The following ADAMTSL1 variants were observed in gnomAD, a reference collection of about 807,000 sequenced individuals.
ADAMTSL1 encodes the protein ADAMTS-like protein 1.
Under a neutral mutation model 201.8 loss-of-function variants are expected in ADAMTSL1, and 126 were observed. That is an observed-to-expected ratio of 0.62 (90% CI 0.54 to 0.72). The LOEUF (loss-of-function observed/expected upper bound fraction) is 0.72. Ranked by LOEUF, ADAMTSL1 falls within the 30% of genes least tolerant of loss-of-function variation. The pLI, the probability that ADAMTSL1 is intolerant of heterozygous loss-of-function variation, is 0.00. For missense variants in ADAMTSL1, 2,679 were observed against 2,277.8 expected (o/e 1.18, Z -3.59); for synonymous variants, 1,121 against 903.4 (o/e 1.24, Z -4.32).
chr9:18,423,936 C>T (rs545691983), intron 2 of ADAMTSL1, among the ~76,000 whole-genome samples: 2 of 152,220 alleles, frequency 1.3e-5, no homozygotes, highest in South Asian at 2.1e-4. Context: ...GGCACTTATC[C>T]TCAAAGTCTT....
chr9:18,812,967 CTTT>C (rs35159482), intron 20 of ADAMTSL1, among the ~76,000 whole-genome samples: 8 of 118,628 alleles, frequency 6.7e-5, no homozygotes, highest in African/African-American at 1.0e-4. Context: ...CAGCTATGTA[CTTT>C]TTTTTTTTTT....
chr9:18,337,218 C>T (rs536349487), intron 2 of ADAMTSL1, among the ~76,000 whole-genome samples: 16 of 152,108 alleles, frequency 1.1e-4, no homozygotes, highest in Non-Finnish European at 1.6e-4. Context: ...AGTCTTCCAG[C>T]CTTCATCCTT....
intron 2 of ADAMTSL1, among the ~76,000 whole-genome samples, chr9:18,421,841 C>G (rs1367875560): frequency 6.6e-6 from 1 of 151,978 alleles, no homozygotes. Context: ...AAATGCAATA[C>G]CATATTTACC....
intron 1 of ADAMTSL1, among the ~76,000 whole-genome samples, chr9:18,075,886 T>C (rs1823199690): frequency 1.3e-5 from 2 of 152,200 alleles, no homozygotes; most frequent in Non-Finnish European, 2.9e-5. Context: ...GATCAAGCTG[T>C]TAATTAAATA....
At chr9:18,495,386 G>A (rs10963617) in intron 1 of ADAMTSL1, among the ~76,000 whole-genome samples, 4 of 152,092 alleles carry the variant, frequency 2.6e-5, no homozygotes, top group African/African-American at 9.7e-5. Context: ...ATCAAATAAG[G>A]AACTGTTGAA....
intron 1 of ADAMTSL1, among the ~76,000 whole-genome samples, chr9:18,004,451 T>A (rs1819735412): frequency 6.6e-6 from 1 of 151,864 alleles, no homozygotes; most frequent in Non-Finnish European, 1.5e-5. Flanking sequence ...ACAAAGCAAG[T>A]GAAGGCACAG....
intron 1 of ADAMTSL1, among the ~76,000 whole-genome samples, chr9:18,496,774 T>C (rs1348612182): frequency 2.6e-5 from 4 of 152,232 alleles, no homozygotes; most frequent in African/African-American, 7.2e-5. Flanking sequence ...CCTCAGATGT[T>C]TCCTTAGTTC....
chr9:18,860,857 G>A (rs902555980), intron 23 of ADAMTSL1, among the ~76,000 whole-genome samples: 1 of 152,182 alleles, frequency 6.6e-6, no homozygotes, highest in African/African-American at 2.4e-5. Context: ...TAATGTTACT[G>A]GATAACAGGC....
At chr9:18,471,608 T>A (rs979649520), upstream of ADAMTSL1, among the ~76,000 whole-genome samples, 2 of 152,214 alleles carry the variant, frequency 1.3e-5, no homozygotes, top group African/African-American at 4.8e-5. Flanking sequence ...TTATAGTAAA[T>A]TTGTAATTTC....
At chr9:18,879,700 G>C (rs985017801) in intron 23 of ADAMTSL1, among the ~76,000 whole-genome samples, 1 of 152,140 alleles carries the variant, frequency 6.6e-6, no homozygotes, top group Non-Finnish European at 1.5e-5. Context: ...TAATCTTTTT[G>C]CTGGTGGAGG....
chr9:18,331,421 C>T (rs937359258), intron 2 of ADAMTSL1, among the ~76,000 whole-genome samples: 1 of 152,180 alleles, frequency 6.6e-6, no homozygotes. Flanking sequence ...TCAAATTGTG[C>T]CTCCCTCCTG....
chr9:18,213,862 C>T (rs1829969614), intron 2 of ADAMTSL1, among the ~76,000 whole-genome samples: 2 of 152,124 alleles, frequency 1.3e-5, no homozygotes, highest in Non-Finnish European at 2.9e-5. Context: ...GCCTCAGCCT[C>T]CCGAGTAGCT....
chr9:18,196,784 C>T (rs1829200145), intron 2 of ADAMTSL1, among the ~76,000 whole-genome samples: 1 of 152,110 alleles, frequency 6.6e-6, no homozygotes, highest in Admixed American at 6.6e-5. Flanking sequence ...TCACACCAAA[C>T]TCCTTTGCAC....
intron 3 of ADAMTSL1, among the ~76,000 whole-genome samples, chr9:18,536,665 T>C (rs1819795042): frequency 6.6e-6 from 1 of 152,192 alleles, no homozygotes; most frequent in Admixed American, 6.5e-5. Context: ...TACAGTTCCC[T>C]GCTCTATTCT....
intron 2 of ADAMTSL1, among the ~76,000 whole-genome samples, chr9:18,431,547 A>C (rs1819490458): frequency 3.3e-5 from 5 of 152,194 alleles, no homozygotes; most frequent in Admixed American, 6.5e-5. Context: ...TAGACTTGGA[A>C]GCAACATTAG....
chr9:18,054,795 A>T (rs778879074), intron 1 of ADAMTSL1, among the ~76,000 whole-genome samples: 14 of 152,236 alleles, frequency 9.2e-5, no homozygotes, highest in Admixed American at 3.3e-4. Flanking sequence ...ATATATTTCC[A>T]GATGCTTGAC....
At chr9:18,897,862 A>G (rs1217951283) in intron 26 of ADAMTSL1, among the ~76,000 whole-genome samples, 1 of 152,172 alleles carries the variant, frequency 6.6e-6, no homozygotes, top group East Asian at 1.9e-4. Context: ...AGATGGTTGA[A>G]TTGACATAAG....
intron 2 of ADAMTSL1, among the ~76,000 whole-genome samples, chr9:18,321,789 T>C (rs1371308380): frequency 2.0e-5 from 3 of 152,132 alleles, no homozygotes; most frequent in Non-Finnish European, 4.4e-5. Context: ...CGAGACTCCA[T>C]GTCAAAAAAA....
chr9:18,856,485 A>C (rs543518497), intron 23 of ADAMTSL1, among the ~76,000 whole-genome samples: 1 of 29,128 alleles, frequency 3.4e-5, no homozygotes, highest in African/African-American at 9.3e-5. Context: ...TTTTTTTGAG[A>C]CGGAGTCTCG....
Sources: gnomAD v4.1 joint callset for allele counts (sites outside exome capture counted in the v4.1 genomes callset) on GRCh38, gnomAD v4.1.1 for gene constraint, MANE v1.5 for transcripts, NCBI Gene and HGNC (gene_info 2026-07-23, HGNC 2026-07-21) for gene names.